Variants in IQCB1 observed in about 807,000 individuals in gnomAD.
IQCB1 encodes the protein IQ motif containing B1.
A neutral mutation model predicts 84.4 loss-of-function variants in IQCB1; 56 were observed. The observed-to-expected ratio is 0.66, with a 90% CI of 0.54 to 0.83. The LOEUF is 0.83. Among genes scored for constraint, IQCB1 ranks in the 40% least tolerant of loss-of-function variants. The pLI is 0.00. For missense variants in IQCB1, 629 were observed against 682.1 expected, an observed-to-expected ratio of 0.92 and a Z score of 0.87; for synonymous variants, 210 against 234.8, an observed-to-expected ratio of 0.89 and a Z score of 0.96.
Position 121,805,357 on chromosome 3 carries a change from GA to G in IQCB1, c.587+1986del, listed in dbSNP as rs78159927. ...GTCATTTTACAGTAATAAAGAAATA[GA>G]AAAAAAGAGTCATCAAAGCAAATAT... On this transcript the variant is annotated intron_variant, in intron 7 of 14. Coordinates refer to ENST00000310864, the MANE Select transcript of IQCB1 (RefSeq NM_001023570.4). Among the ~76,000 whole-genome samples, 5,008 of 143,124 alleles carry G rather than the reference GA, an allele frequency of 0.035. 854 individuals carry two copies. In the East Asian group the frequency reaches 0.56, roughly 16 times the overall value. The allele number at this position is 143,124 out of a possible 152,430, so 93.9% of individuals were successfully genotyped here.
intron 12 of IQCB1, among the ~76,000 whole-genome samples, chr3:121,786,215 G>GAGAAGAGAAGAGAAGAGAAGA (rs59609336): frequency 4.8e-5 from 7 of 147,188 alleles, no homozygotes; most frequent in African/African-American, 1.8e-4. Context: ...GAAAAGAAAA[G>GAGAAGAGAAGAGAAGAGAAGA]GATGCTTTAA....
chr3:121,774,750 G>C (rs953336565), intron 13 of IQCB1, among the ~76,000 whole-genome samples: 6 of 152,186 alleles, frequency 3.9e-5, no homozygotes, highest in Admixed American at 3.9e-4. Context: ...TGAGGGAATG[G>C]TGAGTTAGTG....
chr3:121,785,687 A>T (rs1298753167), intron 12 of IQCB1, among the ~76,000 whole-genome samples: 2 of 152,216 alleles, frequency 1.3e-5, no homozygotes, highest in African/African-American at 4.8e-5. Context: ...CATGTAATCA[A>T]TATAAAAAAG....
chr3:121,828,351 C>A, intron 4 of IQCB1, 119 bp downstream of exon 4: 1 of 847,004 alleles, frequency 1.2e-6, no homozygotes, highest in Non-Finnish European at 2.0e-6. Context: ...AAAGTACAAC[C>A]AAAACCTACA....
At chr3:121,818,593 G>C (rs1950160632) in intron 5 of IQCB1, among the ~76,000 whole-genome samples, 1 of 152,140 alleles carries the variant, frequency 6.6e-6, no homozygotes, top group African/African-American at 2.4e-5. Context: ...GAGCCCAAAG[G>C]AGAGAGTAAA....
Position 121,788,365 on chromosome 3 carries a change from T to C in IQCB1, c.1197A>G (p.Arg399=). Residue 399 remains arginine, a synonymous_variant, in exon 12 of 15, where the codon AGA becomes AGG. Transcript: ENST00000310864. ...GAAAATTTTTCCTTTCCCTGTACCC[T>C]CTCCAATGTTTCTGGATAATCAGTG... is the stretch of plus-strand genomic sequence containing the variant. ...KSALIIQKHW[R]GYRERKNFHQ... The C allele has an allele frequency of 6.2e-7, 1 of 1,613,588 alleles. No homozygotes were observed. The highest frequency in any genetic ancestry group is 1.3e-5 in the African/African-American group (1 of 75,016).
intron 2 of IQCB1, 49 bp from the exon 3 acceptor site, chr3:121,829,021 T>C: frequency 2.1e-6 from 2 of 942,486 alleles, no homozygotes; most frequent in Non-Finnish European, 3.5e-6. Context: ...CCAGGAAATG[T>C]TCACTACCTA....
At chr3:121,802,885 T>C (rs1163887898) in intron 7 of IQCB1, among the ~76,000 whole-genome samples, 2 of 152,140 alleles carry the variant, frequency 1.3e-5, no homozygotes, top group Non-Finnish European at 2.9e-5. Context: ...CATTTAAAAA[T>C]AATTTCTAAT....
At chr3:121,820,840 T>C (rs1298512552) in intron 5 of IQCB1, among the ~76,000 whole-genome samples, 3 of 152,044 alleles carry the variant, frequency 2.0e-5, no homozygotes, top group Non-Finnish European at 2.9e-5. Flanking sequence ...AAGACACTTA[T>C]TACCTTAGTT....
At chr3:121,820,545 T>C (rs1384282390) in intron 5 of IQCB1, among the ~76,000 whole-genome samples, 1 of 152,168 alleles carries the variant, frequency 6.6e-6, no homozygotes, top group East Asian at 1.9e-4. Context: ...ATAGCCATAG[T>C]CCTGATCTCT....
intron 2 of IQCB1, among the ~76,000 whole-genome samples, chr3:121,833,765 T>C (rs1708089616): frequency 6.6e-6 from 1 of 152,206 alleles, no homozygotes; most frequent in South Asian, 2.1e-4. Context: ...TTTCTTGCTG[T>C]AAACAAAATA....
intron 14 of IQCB1, among the ~76,000 whole-genome samples, chr3:121,771,120 C>T (rs538355677): frequency 2.0e-5 from 3 of 151,506 alleles, no homozygotes; most frequent in Non-Finnish European, 2.9e-5. Flanking sequence ...TACAGGCGTG[C>T]GCCACCATGC....
intron 12 of IQCB1, among the ~76,000 whole-genome samples, chr3:121,782,684 ATT>A (rs71133569): frequency 5.3e-4 from 78 of 147,844 alleles, no homozygotes; most frequent in Middle Eastern, 3.5e-3. Context: ...TACAAATAAC[ATT>A]TTTTTTTTTT....
intron 7 of IQCB1, 25 bp downstream of exon 7, chr3:121,807,319 T>C (rs745497660): frequency 4.4e-6 from 5 of 1,143,014 alleles, no homozygotes; most frequent in Non-Finnish European, 5.3e-6. Context: ...AAAAAAGCAG[T>C]AACATTTTGT....
intron 8 of IQCB1, among the ~76,000 whole-genome samples, chr3:121,798,420 AATAC>A (rs924686681): frequency 1.3e-5 from 2 of 151,940 alleles, no homozygotes; most frequent in African/African-American, 4.8e-5. Context: ...AATAGATTAT[AATAC>A]ATACATGGCT....
Position 121,770,525 on chromosome 3 carries a change from T to C in IQCB1, c.1617A>G (p.Leu539=). ...TGGCTGCCACAGGCCTGGATCTACT[T>C]AGGAAGAGCTCAGGTTCTTTCCCTT... The part of the protein sequence containing the change: ...EAEGKEPELF[L]SRSRPVAAKA... The change falls in exon 15 of 15, where the codon CTA becomes CTG. Residue 539 remains leucine, a synonymous_variant. Transcript: ENST00000310864. 6.2e-7 allele frequency: 1 copy of C among 1,614,196 alleles called. No individual in the cohort carries two copies. Among genetic ancestry groups the C allele is most frequent in the African/African-American group, 1.3e-5 (1 of 75,064 alleles).
intron 2 of IQCB1, among the ~76,000 whole-genome samples, chr3:121,830,519 T>C (rs1278843123): frequency 6.6e-6 from 1 of 152,212 alleles, no homozygotes. Flanking sequence ...CTAAGCACTA[T>C]GTTAATATAC....
At chr3:121,823,910 T>C (rs888325214) in intron 5 of IQCB1, among the ~76,000 whole-genome samples, 1 of 152,152 alleles carries the variant, frequency 6.6e-6, no homozygotes, top group African/African-American at 2.4e-5. Flanking sequence ...GTAAAATACA[T>C]GACAAAATAG....
At chr3:121,776,044 G>GC (rs1553707512) in intron 13 of IQCB1, among the ~76,000 whole-genome samples, 32 of 151,222 alleles carry the variant, frequency 2.1e-4, no homozygotes, top group African/African-American at 6.8e-4. Context: ...ATTCATCCAC[G>GC]TTTTTTTTTC....
Sources: gnomAD v4.1 joint callset for allele counts (sites outside exome capture counted in the v4.1 genomes callset) on GRCh38, gnomAD v4.1.1 for gene constraint, MANE v1.5 for transcripts, NCBI Gene and HGNC (gene_info 2026-07-23, HGNC 2026-07-21) for gene names.